The following CEP162 variants were observed in gnomAD, a reference collection of about 807,000 sequenced individuals.
CEP162 encodes the protein centrosomal protein 162.
Under a neutral mutation model 169.2 loss-of-function variants are expected in CEP162, and 141 were observed. The ratio of observed to expected loss-of-function variants is 0.83; its 90% confidence interval spans 0.73 to 0.96. The LOEUF is 0.96. CEP162 is among the 40% of genes least tolerant of loss of function. The pLI is 0.00. For missense variants in CEP162, 1,600 were observed against 1,587.2 expected (o/e 1.01, Z -0.14); for synonymous variants, 540 against 526.4 (o/e 1.03, Z -0.35).
chr6:84,129,890 A>G (rs2099510561), intron 25 of CEP162, among the ~76,000 whole-genome samples: 1 of 152,038 alleles, frequency 6.6e-6, no homozygotes, highest in Admixed American at 6.6e-5. Flanking sequence ...AACTTCCATT[A>G]CTAAGTTGAA....
intron 7 of CEP162, 148 bp from the exon 8 acceptor site, chr6:84,201,915 C>A: frequency 2.0e-6 from 1 of 499,746 alleles, no homozygotes. Flanking sequence ...CTTCTTTCAC[C>A]ACTGACTCTC....
At chr6:84,154,326 A>ATCTGTCTG (rs201436483) in intron 22 of CEP162, among the ~76,000 whole-genome samples, 6,471 of 147,568 alleles carry the variant, frequency 0.044, 323 homozygotes, top group African/African-American at 0.14. Flanking sequence ...CTATCTATCT[A>ATCTGTCTG]TCTATCTGTC....
At chr6:84,221,219 A>C in intron 2 of CEP162, 48 bp from the exon 3 acceptor site, 1 of 903,470 alleles carries the variant, frequency 1.1e-6, no homozygotes. Flanking sequence ...TGTAAATTCA[A>C]GAATCTCAGA....
chr6:84,197,555 G>A (rs56814793), intron 9 of CEP162, among the ~76,000 whole-genome samples: 247 of 152,200 alleles, frequency 1.6e-3, no homozygotes, highest in African/African-American at 5.6e-3. Context: ...GCTCACGCCT[G>A]TAATCCCAGC....
chr6:84,171,164 T>C (rs541901773), intron 17 of CEP162, among the ~76,000 whole-genome samples: 178 of 152,258 alleles, frequency 1.2e-3, no homozygotes, highest in Non-Finnish European at 2.1e-3. Context: ...CAGTATATCA[T>C]CTCCACAAGG....
intron 25 of CEP162, among the ~76,000 whole-genome samples, chr6:84,132,088 C>G (rs2129185267): frequency 6.6e-6 from 1 of 152,234 alleles, no homozygotes; most frequent in African/African-American, 2.4e-5. Flanking sequence ...TTTTATTTCT[C>G]CTTCACTTAC....
chr6:84,155,327 T>C lies in CEP162; in HGVS notation c.2965A>G (p.Thr989Ala). ...KDEDAKKSLR[T>A]MEQQFQKMKI... is the part of the protein sequence containing the mutation. ...ATTTTCTGAAACTGTTGTTCCATGG[T>C]ACGAAGGCTTTTCTTTGCATCTTCA... The change falls in exon 22 of 27, where the codon ACC becomes GCC. Residue 989 changes from threonine (T) to alanine (A), a missense_variant. By Grantham distance (58) the Thr-to-Ala change is moderately conservative (BLOSUM62 0). Transcript: ENST00000403245. The C allele has an allele frequency of 1.2e-6, 2 of 1,613,594 alleles. No individual in the cohort carries two copies. The highest frequency in any genetic ancestry group is 2.2e-5 in the East Asian group (1 of 44,844).
Position 84,152,833 on chromosome 6 carries a change from TCTTTCTGAAGC to T in CEP162, c.3330_3340del (p.Leu1111GlnfsTer30). 1 of 1,613,680 alleles carries T rather than the reference TCTTTCTGAAGC, an allele frequency of 6.2e-7. No homozygotes were observed. The highest frequency in any genetic ancestry group is 8.5e-7 in the Non-Finnish European group (1 of 1,179,804). On this transcript the variant is annotated frameshift_variant, in exon 23 of 27. Transcript: ENST00000403245. LOFTEE classifies it high-confidence loss of function. ...CTGATTTGATAGCATCATTCTTCTG[TCTTTCTGAAGC>T]CTCTCCACAGTTTTTGAGAGGTCTT...
chr6:84,202,244 A>G (rs2099544814), intron 7 of CEP162, among the ~76,000 whole-genome samples: 1 of 152,176 alleles, frequency 6.6e-6, no homozygotes, highest in African/African-American at 2.4e-5. Flanking sequence ...AGGCCACCAA[A>G]CAGCTAGACA....
chr6:84,159,543 ATATATTTTTTTTTTTTTTT>A (rs2099524744), intron 21 of CEP162, among the ~76,000 whole-genome samples: 1 of 40,942 alleles, frequency 2.4e-5, no homozygotes, highest in African/African-American at 1.0e-4. Context: ...ATATATATAT[ATATATTTTTTTTTTTTTTT>A]TTTTTTTTTT....
At chr6:84,204,336 C>T (rs2099545881) in intron 6 of CEP162, among the ~76,000 whole-genome samples, 1 of 152,156 alleles carries the variant, frequency 6.6e-6, no homozygotes, top group Non-Finnish European at 1.5e-5. Flanking sequence ...AAGTAAAGCA[C>T]TCCTCGGCAA....
chr6:84,184,779 C>A (rs568294910), intron 13 of CEP162, among the ~76,000 whole-genome samples: 1 of 151,948 alleles, frequency 6.6e-6, no homozygotes, highest in Non-Finnish European at 1.5e-5. Flanking sequence ...ATCTATATTT[C>A]CCTCCTGGAC....
chr6:84,212,383 A>G (rs1442850356), intron 6 of CEP162, among the ~76,000 whole-genome samples: 2 of 152,162 alleles, frequency 1.3e-5, no homozygotes, highest in Non-Finnish European at 2.9e-5. Context: ...CATGTAGAAG[A>G]AAAACGTTGA....
chr6:84,196,276 G>A (rs1480860053), intron 9 of CEP162, among the ~76,000 whole-genome samples: 1 of 152,134 alleles, frequency 6.6e-6, no homozygotes, highest in Non-Finnish European at 1.5e-5. Context: ...CCCTGCACAA[G>A]CTCTCTTTGC....
Position 84,190,453 on chromosome 6 carries a change from G to C in CEP162, c.1109+3156C>G, listed in dbSNP as rs1464536393. Among the ~76,000 whole-genome samples, 3 of 152,126 alleles carry C rather than the reference G, an allele frequency of 2.0e-5. No homozygotes were observed. The East Asian group carries it at 5.8e-4, about 29-fold the overall frequency. The stretch of plus-strand genomic sequence containing the variant: ...TGGAAGCTTTGTTCTTTCGCTCTTT[G>C]CAATAAGTCTTGCTACTGCTCACTC... On this transcript the variant is annotated intron_variant, in intron 11 of 26. Coordinates refer to ENST00000403245, the MANE Select transcript of CEP162 (RefSeq NM_014895.4).
chr6:84,222,964 C>T (rs903956603), intron 2 of CEP162, among the ~76,000 whole-genome samples: 1 of 152,198 alleles, frequency 6.6e-6, no homozygotes, highest in South Asian at 2.1e-4. Context: ...TTAGCTGCAT[C>T]ACTTTTTACT....
At chr6:84,193,439 G>A (rs1372492046) in intron 11 of CEP162, among the ~76,000 whole-genome samples, 170 bp downstream of exon 11, 1 of 151,884 alleles carries the variant, frequency 6.6e-6, no homozygotes, top group Admixed American at 6.6e-5. Flanking sequence ...TTTTCATTTA[G>A]CCCTAGAATT....
At chr6:84,192,664 G>C (rs1225719058) in intron 11 of CEP162, among the ~76,000 whole-genome samples, 12 of 152,170 alleles carry the variant, frequency 7.9e-5, no homozygotes, top group Non-Finnish European at 1.8e-4. Flanking sequence ...AGACACAAAT[G>C]AACAAATGAC....
At chr6:84,131,846 A>G (rs1212417571) in intron 25 of CEP162, among the ~76,000 whole-genome samples, 1 of 152,066 alleles carries the variant, frequency 6.6e-6, no homozygotes, top group Non-Finnish European at 1.5e-5. Flanking sequence ...TTTACATTTA[A>G]GGTTAATATT....
Sources: gnomAD v4.1 joint callset for allele counts (sites outside exome capture counted in the v4.1 genomes callset) on GRCh38, gnomAD v4.1.1 for gene constraint, MANE v1.5 for transcripts, NCBI Gene and HGNC (gene_info 2026-07-23, HGNC 2026-07-21) for gene names.